The following DNAH8 variants were observed in gnomAD, a reference collection of about 807,000 sequenced individuals.
DNAH8 encodes axonemal beta dynein heavy chain 8.
DNAH8 carries 382 observed loss-of-function variants against 562.1 expected under a neutral mutation model. The observed-to-expected ratio is 0.68, with a 90% CI of 0.63 to 0.74. DNAH8 has a LOEUF of 0.74. Ranked by LOEUF, DNAH8 falls within the 30% of genes least tolerant of loss-of-function variation. DNAH8 has a pLI of 0.00. For missense variants in DNAH8, 5,203 were observed against 5,620.4 expected, an observed-to-expected ratio of 0.93 and a Z score of 2.37; for synonymous variants, 1,881 against 1,919.4, an observed-to-expected ratio of 0.98 and a Z score of 0.52.
intron 57 of DNAH8, 76 bp from the exon 58 acceptor site, chr6:38,890,576 G>T: frequency 9.3e-7 from 1 of 1,076,020 alleles, no homozygotes; most frequent in South Asian, 1.3e-5. Context: ...GCCTTGTAAT[G>T]ATTTGTTTAC....
At position 38,952,266 on chromosome 6, in the gene DNAH8, A is replaced by C. The variant is rs1019229308; in HGVS notation, c.12451+746A>C. The stretch of plus-strand genomic sequence containing the variant: ...AGAAGTTATAAACACAGAAGTGTTT[A>C]TAAGTGTGACTGAGTCAGTAGGATT... On this transcript the variant is annotated intron_variant, in intron 82 of 92. Coordinates refer to ENST00000327475, the MANE Select transcript of DNAH8 (RefSeq NM_001206927.2). Among the ~76,000 whole-genome samples, 15 of 152,180 alleles carry C rather than the reference A, an allele frequency of 9.9e-5. 1 individual carries two copies. Among genetic ancestry groups the C allele is most frequent in the Admixed American group, 6.5e-5 (1 of 15,278 alleles).
intron 85 of DNAH8, among the ~76,000 whole-genome samples, chr6:38,978,446 G>T (rs889798547): frequency 1.3e-5 from 2 of 152,136 alleles, no homozygotes; most frequent in Admixed American, 1.3e-4. Context: ...GGGAGAGATG[G>T]TTATAAAATT....
intron 21 of DNAH8, among the ~76,000 whole-genome samples, chr6:38,801,345 A>G (rs112809783): frequency 3.3e-5 from 5 of 152,316 alleles, no homozygotes; most frequent in African/African-American, 1.2e-4. Context: ...GTATGGAAAA[A>G]TTTGTATGAC....
chr6:38,892,161 C>T (rs907487122), intron 58 of DNAH8, among the ~76,000 whole-genome samples: 2 of 152,088 alleles, frequency 1.3e-5, no homozygotes, highest in Admixed American at 1.3e-4. Context: ...TGAAATGCAC[C>T]TGGTCTCGAT....
At chr6:38,993,143 C>G (rs1051383339) in intron 88 of DNAH8, among the ~76,000 whole-genome samples, 4 of 152,124 alleles carry the variant, frequency 2.6e-5, no homozygotes, top group Admixed American at 6.5e-5. Context: ...TCTTTGTCTT[C>G]CCCCATTCCA....
chr6:38,745,842 G>A (rs1764883067), intron 8 of DNAH8, among the ~76,000 whole-genome samples: 1 of 152,168 alleles, frequency 6.6e-6, no homozygotes, highest in African/African-American at 2.4e-5. Flanking sequence ...ATACATTGAG[G>A]TTATGCATCT....
At chr6:38,803,793 T>C (rs1323600914) in intron 22 of DNAH8, among the ~76,000 whole-genome samples, 1 of 152,022 alleles carries the variant, frequency 6.6e-6, no homozygotes, top group African/African-American at 2.4e-5. Flanking sequence ...TCCTTCTCTG[T>C]GTAGAGTAAG....
intron 88 of DNAH8, among the ~76,000 whole-genome samples, chr6:39,001,321 G>A (rs1344391813): frequency 6.6e-6 from 1 of 151,912 alleles, no homozygotes; most frequent in Non-Finnish European, 1.5e-5. Flanking sequence ...CATAATTCAG[G>A]CTGAAGTTGG....
At chr6:38,889,771 A>G (rs1225357183) in intron 57 of DNAH8, among the ~76,000 whole-genome samples, 1 of 152,218 alleles carries the variant, frequency 6.6e-6, no homozygotes, top group Non-Finnish European at 1.5e-5. Flanking sequence ...AGCACAACCA[A>G]CCATGATTTG....
chr6:38,863,762 T>G (rs1475360474), intron 44 of DNAH8, 111 bp from the exon 45 acceptor site: 2 of 820,630 alleles, frequency 2.4e-6, no homozygotes, highest in Non-Finnish European at 3.7e-6. Flanking sequence ...TATGAAACTT[T>G]ACATAATCCC....
chr6:38,852,368 G>T (rs905468902), intron 39 of DNAH8, among the ~76,000 whole-genome samples: 3 of 152,050 alleles, frequency 2.0e-5, no homozygotes, highest in Non-Finnish European at 2.9e-5. Context: ...AGGAGAGATG[G>T]CAGGACTGAG....
rs1777950642 is a variant in DNAH8, at chr6:38,875,767, C to A, written c.7797C>A (p.Asp2599Glu). The change falls in exon 53 of 93, where the codon GAC becomes GAA. Residue 2599 changes from aspartate to glutamate, a missense_variant. Physicochemically the swap from Asp to Glu is conservative, Grantham distance 45. This residue lies in a region of DNAH8 where 977 missense variants were observed against 1,061.8 expected (regional missense o/e 0.92). Transcript: ENST00000327475. The part of the protein sequence containing the change: ...AFLRQHESKL[D>E]LPEIPKGSNQ... ...TACGGCAGCATGAAAGCAAGTTGGA[C>A]TTACCAGAAATACCTAAAGGCTCAA... 1.2e-6 allele frequency: 2 copies of A among 1,613,832 alleles called. No homozygotes were observed. The highest frequency in any genetic ancestry group is 8.5e-7 in the Non-Finnish European group (1 of 1,179,946).
intron 57 of DNAH8, among the ~76,000 whole-genome samples, chr6:38,889,848 T>C (rs542995046): frequency 2.6e-5 from 4 of 152,216 alleles, no homozygotes; most frequent in African/African-American, 9.6e-5. Context: ...GTTTCTTTAG[T>C]CTCCACTCTT....
At chr6:38,742,750 G>T (rs13208143) in intron 8 of DNAH8, among the ~76,000 whole-genome samples, 9,184 of 152,126 alleles carry the variant, frequency 0.06, 317 homozygotes, top group South Asian at 0.11. Context: ...TCTGTGTCCT[G>T]AATAGTAAGC....
intron 91 of DNAH8, among the ~76,000 whole-genome samples, chr6:39,017,566 C>G (rs115069263): frequency 4.6e-5 from 7 of 152,008 alleles, no homozygotes; most frequent in Non-Finnish European, 8.8e-5. Context: ...CATGCAGTCC[C>G]GTTATTTTCC....
chr6:38,955,803 C>T (rs1056060497), intron 82 of DNAH8, among the ~76,000 whole-genome samples: 5 of 152,150 alleles, frequency 3.3e-5, no homozygotes, highest in African/African-American at 1.2e-4. Flanking sequence ...GCAGGAACCT[C>T]GGGATATAGG....
chr6:38,763,890 A>T (rs1234506015), intron 11 of DNAH8: 1 of 153,672 alleles, frequency 6.5e-6, no homozygotes, highest in Non-Finnish European at 1.5e-5. Context: ...GACAAGCTGA[A>T]TTAGAAGCTG....
At chr6:38,744,427 A>T (rs1372575117) in intron 8 of DNAH8, 2 of 151,974 alleles carry the variant, frequency 1.3e-5, no homozygotes, top group Non-Finnish European at 2.9e-5. Flanking sequence ...CCAACCTGAC[A>T]TATGGAGAAT....
chr6:38,774,753 C>T (rs1437192816), intron 12 of DNAH8, among the ~76,000 whole-genome samples: 1 of 152,158 alleles, frequency 6.6e-6, no homozygotes, highest in Non-Finnish European at 1.5e-5. Flanking sequence ...TGCTTTTGCT[C>T]TTTAAAGTAG....
Sources: allele counts gnomAD v4.1 joint callset (sites outside exome capture counted in the v4.1 genomes callset), GRCh38; gene constraint gnomAD v4.1.1; regional missense constraint gnomAD v4.1.1; transcripts MANE v1.5; gene names NCBI Gene and HGNC (gene_info 2026-07-23, HGNC 2026-07-21).